Variants in USP28 observed in about 807,000 individuals in gnomAD.
USP28 encodes the protein ubiquitin specific peptidase 28.
USP28 carries 113 observed loss-of-function variants against 145.0 expected under a neutral mutation model. That is an observed-to-expected ratio of 0.78 (90% CI 0.67 to 0.91). The LOEUF is 0.91. Among genes scored for constraint, USP28 ranks in the 40% least tolerant of loss-of-function variants. The pLI, the probability that USP28 is intolerant of heterozygous loss-of-function variation, is 0.00. For synonymous variants in USP28, 447 were observed against 450.9 expected, an observed-to-expected ratio of 0.99 and a Z score of 0.11; for missense variants, 1,201 against 1,289.6, an observed-to-expected ratio of 0.93 and a Z score of 1.05.
At chr11:113,804,970 T>G in exon 20 of USP28, 1 of 1,614,224 alleles carries the variant, frequency 6.2e-7, no homozygotes, top group Non-Finnish European at 8.5e-7. Context: ...AAGGACATGC[T>G]GAAGTCGAGG....
At chr11:113,809,147 C>T in exon 17 of USP28, 2 of 1,614,204 alleles carry the variant, frequency 1.2e-6, no homozygotes, top group East Asian at 2.2e-5. Context: ...TCTTCCCACT[C>T]CTCTACTTCC....
chr11:113,832,135 G>GTGAGACCCT, intron 7 of USP28, 142 bp from the exon 8 acceptor site: 1 of 729,686 alleles, frequency 1.4e-6, no homozygotes, highest in Non-Finnish European at 2.2e-6. Context: ...TTTGAGACAG[G>GTGAGACCCT]GTCTCACTCT....
At chr11:113,833,500 C>T (rs756278501) in exon 7 of USP28, 6 of 1,613,986 alleles carry the variant, frequency 3.7e-6, no homozygotes, top group African/African-American at 1.3e-5. Context: ...CTATTTGATC[C>T]CATCATTAGA....
chr11:113,852,129 T>C (rs947633666), intron 3 of USP28, among the ~76,000 whole-genome samples: 1 of 152,100 alleles, frequency 6.6e-6, no homozygotes, highest in East Asian at 1.9e-4. Context: ...CCCGGGTTCA[T>C]GCCATTCTCC....
exon 18 of USP28, chr11:113,808,356 G>C: frequency 6.2e-7 from 1 of 1,614,094 alleles, no homozygotes; most frequent in Non-Finnish European, 8.5e-7. Flanking sequence ...GTTTGCAATA[G>C]CCTGGGCAGT....
intron 1 of USP28, among the ~76,000 whole-genome samples, chr11:113,869,429 AAAAAT>A (rs1239066663): frequency 2.6e-5 from 4 of 152,080 alleles, no homozygotes; most frequent in African/African-American, 9.7e-5. Flanking sequence ...GTCCGTCTCA[AAAAAT>A]AAAATAAAAC....
rs370577718 is a variant in USP28, at chr11:113,830,951, T to C, written c.834-8A>G. On this transcript the variant is annotated splice_region_variant and splice_polypyrimidine_tract_variant and intron_variant, in intron 8 of 24. Transcript: ENST00000003302. ...GATTTGTTCCTGGGACTGCTGCTTT[T>C]AGGAAAAGGAGACAATTCTGGATTG... The C allele has an allele frequency of 1.9e-6, 3 of 1,612,024 alleles. No individual in the cohort carries two copies. Among genetic ancestry groups the C allele is most frequent in the African/African-American group, 2.7e-5 (2 of 73,310 alleles).
intron 12 of USP28, chr11:113,820,214 C>T (rs959903956): frequency 1.3e-5 from 2 of 152,132 alleles, no homozygotes; most frequent in African/African-American, 4.8e-5. Context: ...AGACTGCTTT[C>T]CTAAATCAGA....
At chr11:113,872,486 CAA>C (rs1241877247) in intron 1 of USP28, among the ~76,000 whole-genome samples, 1,165 of 109,762 alleles carry the variant, frequency 0.011, 13 homozygotes, top group African/African-American at 0.04. Context: ...GACTCCGTCT[CAA>C]AAAAAAAAAA....
Position 113,823,665 on chromosome 11 carries a change from T to G in USP28, c.1223A>C (p.Lys408Thr), listed in dbSNP as rs746418240. The G allele has an allele frequency of 6.2e-7, 1 of 1,612,312 alleles. No individual in the cohort carries two copies. The highest frequency in any genetic ancestry group is 1.7e-5 in the Admixed American group (1 of 59,860). The change falls in exon 12 of 25, where the codon AAG becomes ACG. Residue 408 changes from lysine to threonine, a missense_variant. Transcript: ENST00000003302. ...CTTCAACTTTCGAATACACTCTCTCTTATTTCGAATAAGCTCCTTGCTCCT... is the reference window on the plus strand; with the variant it reads ...CTTCAACTTTCGAATACACTCTCTCGTATTTCGAATAAGCTCCTTGCTCCT...
chr11:113,817,795 C>G (rs773121922), exon 13 of USP28: 6 of 1,614,000 alleles, frequency 3.7e-6, no homozygotes, highest in Non-Finnish European at 5.1e-6. Context: ...TCAGCATGTC[C>G]GGGAGCGGGA....
intron 3 of USP28, among the ~76,000 whole-genome samples, chr11:113,847,409 G>C (rs1000529799): frequency 5.0e-5 from 6 of 119,414 alleles, no homozygotes; most frequent in Non-Finnish European, 9.7e-5. Context: ...CATAACAAAG[G>C]ACTTGATTTC....
At chr11:113,810,424 T>C (rs1248641855) in intron 16 of USP28, among the ~76,000 whole-genome samples, 1 of 152,236 alleles carries the variant, frequency 6.6e-6, no homozygotes, top group African/African-American at 2.4e-5. Context: ...TTGCCATTAA[T>C]CAGCCTTTTC....
At chr11:113,855,447 T>C (rs1238131202) in intron 1 of USP28, among the ~76,000 whole-genome samples, 2 of 152,246 alleles carry the variant, frequency 1.3e-5, no homozygotes, top group African/African-American at 2.4e-5. Context: ...AGAAATCTAA[T>C]TTATACCATT....
chr11:113,800,437 G>T (rs7951021), intron 24 of USP28, among the ~76,000 whole-genome samples: 4 of 151,808 alleles, frequency 2.6e-5, no homozygotes, highest in African/African-American at 9.7e-5. Context: ...TGAGTAGCTA[G>T]AACTACACTA....
rs367840758 is a variant in USP28, at chr11:113,869,910, C to T, written c.57+5535G>A. On this transcript the variant is annotated intron_variant, in intron 1 of 24. Transcript: ENST00000003302. The stretch of plus-strand genomic sequence containing the variant: ...GGAGCCAGGTGTTCACGCCTGTAAT[C>T]CCAGCACTTTGGGAGGCTGAGGTGG... 1.8e-4 allele frequency among the ~76,000 whole-genome samples: 27 copies of T among 152,308 alleles called. No individual in the cohort carries two copies. In the East Asian group the frequency reaches 2.1e-3, roughly 12 times the overall value.
At position 113,821,731 on chromosome 11, in the gene USP28, G is replaced by T. The variant is rs1942632936; in HGVS notation, c.1283+1874C>A. ...TTTGGAGGTTCTGAGTGCAACTTGGGTGTCTTGCTAGGGGGCTGGTTCTTT... is the reference window on the plus strand; with the variant it reads ...TTTGGAGGTTCTGAGTGCAACTTGGTTGTCTTGCTAGGGGGCTGGTTCTTT... On this transcript the variant is annotated intron_variant, in intron 12 of 24. Coordinates refer to ENST00000003302, the Ensembl canonical transcript of USP28. The T allele has an allele frequency of 1.5e-5, 3 of 198,336 alleles. No homozygotes were observed. The South Asian group carries it at 2.9e-4, about 19-fold the overall frequency. The allele number at this position is 198,336 out of a possible 1,614,324, so 12.3% of individuals were successfully genotyped here. A position where few individuals can be genotyped will look rare whatever the true frequency, so the allele number is the denominator to read the frequency against.
At chr11:113,828,663 T>G (rs539324007) in intron 10 of USP28, among the ~76,000 whole-genome samples, 1 of 152,200 alleles carries the variant, frequency 6.6e-6, no homozygotes, top group African/African-American at 2.4e-5. Flanking sequence ...CTAACTGGAA[T>G]ACTGAGATGT....
intron 4 of USP28, among the ~76,000 whole-genome samples, chr11:113,841,373 T>C (rs1945176531): frequency 6.6e-6 from 1 of 152,200 alleles, no homozygotes; most frequent in Admixed American, 6.5e-5. Context: ...TAAAAGAGAA[T>C]ATACATTTAT....
Sources: gnomAD v4.1 joint callset for allele counts (sites outside exome capture counted in the v4.1 genomes callset) on GRCh38, gnomAD v4.1.1 for gene constraint, MANE v1.5 for transcripts, NCBI Gene and HGNC (gene_info 2026-07-23, HGNC 2026-07-21) for gene names.